Variants in TBC1D10B observed in about 807,000 individuals in gnomAD.
TBC1D10B encodes the protein TBC1 domain family member 10B.
In TBC1D10B, 25 loss-of-function variants were observed where a neutral mutation model predicts 78.4. That is an observed-to-expected ratio of 0.32 (90% CI 0.23 to 0.45). The LOEUF (loss-of-function observed/expected upper bound fraction) is 0.45. Among genes scored for constraint, TBC1D10B ranks in the 20% least tolerant of loss-of-function variants. The pLI is 1.00. For missense variants in TBC1D10B, 996 were observed against 1,104.8 expected (o/e 0.90, Z 1.40); for synonymous variants, 517 against 478.0 (o/e 1.08, Z -1.06).
chr16:30,368,559 C>A (rs1319257655), intron 1 of TBC1D10B, among the ~76,000 whole-genome samples: 3 of 152,128 alleles, frequency 2.0e-5, no homozygotes, highest in Admixed American at 2.0e-4. Context: ...CCCCCTACCT[C>A]GGGAGTGACT....
intron 1 of TBC1D10B, among the ~76,000 whole-genome samples, chr16:30,368,809 AG>A (rs2049657627): frequency 6.6e-6 from 1 of 152,168 alleles, no homozygotes; most frequent in South Asian, 2.1e-4. Flanking sequence ...ATCCACCCTA[AG>A]GGACCAAGGG....
Position 30,370,080 on chromosome 16 carries a change from A to G in TBC1D10B, c.104T>C (p.Val35Ala). 1 of 1,226,060 alleles carries G rather than the reference A, an allele frequency of 8.2e-7. No individual in the cohort carries two copies. Among genetic ancestry groups the G allele is most frequent in the Non-Finnish European group, 1.0e-6 (1 of 984,422 alleles). The allele number at this position is 1,226,060 out of a possible 1,614,324, so 75.9% of individuals were successfully genotyped here. The stretch of plus-strand genomic sequence containing the variant: ...AGTCACTGGAGGTCCCGGAGCCACC[A>G]CCACGACGGGCCCGGCCCGGGAACC... ...PRGSRAGPVVVVAPGPPVTTA... is the reference protein window; with the variant it reads ...PRGSRAGPVVAVAPGPPVTTA... The change falls in exon 1 of 9, where the codon GTG (valine) becomes GCG (alanine). Residue 35 changes from valine to alanine, a missense_variant. Val to Ala is a moderately conservative substitution (Grantham distance 64, BLOSUM62 0). Around this residue, in one of 5 missense-constraint regions of TBC1D10B, gnomAD observed 448 missense variants for 442.1 expected, o/e 1.01. Transcript: ENST00000409939.
chr16:30,366,267 G>A (rs2049634625), intron 1 of TBC1D10B: 1 of 152,338 alleles, frequency 6.6e-6, no homozygotes, highest in Admixed American at 6.5e-5. Context: ...CACTTTGGGA[G>A]GCCGAGGCAG....
rs2049661043 is a variant in TBC1D10B, at chr16:30,369,067, C to T, written c.956+161G>A. ...CACTAACATGCCAATGTCACAGGCACCTCAGGATGCTCAAGACACGGCAGC... is the reference window on the plus strand; with the variant it reads ...CACTAACATGCCAATGTCACAGGCATCTCAGGATGCTCAAGACACGGCAGC... On this transcript the variant is annotated intron_variant, in intron 1 of 8. Coordinates refer to ENST00000409939, the MANE Select transcript of TBC1D10B (RefSeq NM_015527.4). This position sits in a 1 kb window ranked among gnomAD's most constrained non-coding sequence, Gnocchi z 4.3. 1.3e-5 allele frequency among the ~76,000 whole-genome samples: 2 copies of T among 152,256 alleles called. No homozygotes were observed.
rs1057115242 is a variant in TBC1D10B, at chr16:30,370,107, C to A, written c.77G>T (p.Arg26Leu). The A allele has an allele frequency of 6.9e-5, 84 of 1,220,516 alleles. No homozygotes were observed. The highest frequency in any genetic ancestry group is 8.6e-5 in the Admixed American group (2 of 23,190). 75.6% of individuals were successfully genotyped at this position (1,220,516 alleles called of 1,614,324 possible). ...GAPAAPSPPP[R>L]GSRAGPVVVV... ...CACGACGGGCCCGGCCCGGGAACCC[C>A]GGGGCGGCGGCGAGGGGGCCGCGGG... The change falls in exon 1 of 9, where the codon CGG (arginine) becomes CTG (leucine). Residue 26 changes from arginine (R) to leucine (L), a missense_variant. Arg to Leu is a moderately radical substitution (Grantham distance 102, BLOSUM62 -2). Coordinates refer to ENST00000409939, the MANE Select transcript of TBC1D10B (RefSeq NM_015527.4).
In TBC1D10B at chr16:30,370,090, G is replaced by A; in HGVS notation, c.94C>T (p.Pro32Ser). The A allele has an allele frequency of 8.2e-7, 1 of 1,224,872 alleles. No individual in the cohort carries two copies. Among genetic ancestry groups the A allele is most frequent in the South Asian group, 4.1e-5 (1 of 24,270 alleles). The allele number at this position is 1,224,872 out of a possible 1,614,324, so 75.9% of individuals were successfully genotyped here. The change falls in exon 1 of 9, where the codon CCC becomes TCC. Residue 32 changes from proline to serine, a missense_variant. By Grantham distance (74) the Pro-to-Ser change is moderately conservative. Transcript: ENST00000409939. The part of the protein sequence containing the change: ...SPPPRGSRAG[P>S]VVVVAPGPPV... ...GGTCCCGGAGCCACCACCACGACGG[G>A]CCCGGCCCGGGAACCCCGGGGCGGC...
rs2049632451 is a variant in TBC1D10B at position 30,365,985 on chromosome 16, A to G, written c.957-391T>C. 4.3e-6 allele frequency: 1 copy of G among 233,996 alleles called. No individual in the cohort carries two copies. Among genetic ancestry groups the G allele is most frequent in the African/African-American group, 2.2e-5 (1 of 45,270 alleles). The allele number at this position is 233,996 out of a possible 1,614,324, so 14.5% of individuals were successfully genotyped here. A position where few individuals can be genotyped will look rare whatever the true frequency, so the allele number is the denominator to read the frequency against. The stretch of plus-strand genomic sequence containing the variant: ...TCATCTGTAAGGTGGAGAAAGTAAC[A>G]ATATCTACCCGAAGGGGTTTATACG... On this transcript the variant is annotated intron_variant, in intron 1 of 8. Transcript: ENST00000409939. The surrounding 1 kb of genome is among the most constrained non-coding windows in gnomAD (Gnocchi z 5.0).
chr16:30,366,570 C>G (rs1162265557), intron 1 of TBC1D10B: 1 of 151,976 alleles, frequency 6.6e-6, no homozygotes, highest in Non-Finnish European at 1.5e-5. Flanking sequence ...TAGACGCAAC[C>G]ATCTGAGTTT....
chr16:30,368,774 G>GAC (rs2049657225), intron 1 of TBC1D10B, among the ~76,000 whole-genome samples: 1 of 152,144 alleles, frequency 6.6e-6, no homozygotes, highest in Non-Finnish European at 1.5e-5. Flanking sequence ...TGGGGGAAGG[G>GAC]AGATGCCTGC....
chr16:30,369,904 G>C lies in TBC1D10B; in HGVS notation c.280C>G (p.Leu94Val). The change falls in exon 1 of 9, where the codon CTG becomes GTG. Residue 94 changes from leucine (L) to valine (V), a missense_variant. Leu to Val is a conservative substitution (Grantham distance 32). This residue lies in a region of TBC1D10B where 448 missense variants were observed against 442.1 expected (regional missense o/e 1.01). Coordinates refer to ENST00000409939, the MANE Select transcript of TBC1D10B (RefSeq NM_015527.4). The surrounding 1 kb of genome is among the most constrained non-coding windows in gnomAD (Gnocchi z 4.3). ...TTTGGGGCTTCGGGCGAGGCCTCCA[G>C]GGTCAGCACCACCACCGTGCTGCCC... ...VTGSTVVVLT[L>V]EASPEAPKPQ... The C allele has an allele frequency of 7.2e-7, 1 of 1,383,436 alleles. No homozygotes were observed. Among genetic ancestry groups the C allele is most frequent in the Non-Finnish European group, 9.3e-7 (1 of 1,072,330 alleles). 85.7% of individuals were successfully genotyped at this position (1,383,436 alleles called of 1,614,324 possible).
intron 4 of TBC1D10B, 129 bp from the exon 5 acceptor site, chr16:30,359,970 G>C (rs2049589112): frequency 1.2e-6 from 1 of 861,612 alleles, no homozygotes; most frequent in South Asian, 1.7e-5. Context: ...TGCTGAGCGA[G>C]CTTCAGCTAA....
intron 4 of TBC1D10B, among the ~76,000 whole-genome samples, chr16:30,363,932 A>G (rs2049615720): frequency 6.6e-6 from 1 of 152,156 alleles, no homozygotes; most frequent in African/African-American, 2.4e-5. Flanking sequence ...CCTGGCTAAC[A>G]TGGTGAAACC....
In TBC1D10B at chr16:30,367,432, C is replaced by T. The variant is rs1203700162; in HGVS notation, c.956+1796G>A. ...CTGGGAAGAGTAAGATACCTTCTGG[C>T]CCTCAAGAAGGTTACAGCCTAAGAG... On this transcript the variant is annotated intron_variant, in intron 1 of 8. Coordinates refer to ENST00000409939, the MANE Select transcript of TBC1D10B (RefSeq NM_015527.4). 2.0e-5 allele frequency: 3 copies of T among 152,174 alleles called. No individual in the cohort carries two copies. In the East Asian group the frequency reaches 5.8e-4, roughly 29 times the overall value. The allele number at this position is 152,174 out of a possible 1,614,324, so 9.4% of individuals were successfully genotyped here.
chr16:30,366,494 G>A (rs1265040004), intron 1 of TBC1D10B: 6 of 148,926 alleles, frequency 4.0e-5, no homozygotes, highest in South Asian at 2.1e-4. Flanking sequence ...GACAGAGCGA[G>A]ACTCCATCAA....
Position 30,369,245 on chromosome 16 carries a change from G to A in TBC1D10B, c.939C>T (p.Ser313=), listed in dbSNP as rs1377719848. The change falls in exon 1 of 9, where the codon AGC becomes AGT. Residue 313 remains serine, a synonymous_variant. Transcript: ENST00000409939. This position sits in a 1 kb window ranked among gnomAD's most constrained non-coding sequence, Gnocchi z 4.3. ...KTDKYGFLGG[S]QYSGSLESSI... is the part of the protein sequence containing the mutation. ...GTACTCACAGGCTGCCCGAGTACTG[G>A]CTGCCCCCAAGGAAGCCATACTTGT... 1 of 1,581,364 alleles carries A rather than the reference G, an allele frequency of 6.3e-7. No individual in the cohort carries two copies. The highest frequency in any genetic ancestry group is 1.2e-5 in the South Asian group (1 of 86,568).
rs776579103 is a variant in TBC1D10B, at chr16:30,369,387, G to A, written c.797C>T (p.Thr266Met). Residue 266 changes from threonine to methionine, a missense_variant, in exon 1 of 9, where the codon ACG becomes ATG. Physicochemically the swap from Thr to Met is moderately conservative, Grantham distance 81. This residue lies in a region of TBC1D10B where 448 missense variants were observed against 442.1 expected (regional missense o/e 1.01). Transcript: ENST00000409939. The surrounding 1 kb of genome is among the most constrained non-coding windows in gnomAD (Gnocchi z 4.3). ...ISGPRGQAPD[T>M]LSYLDSVSLM... The stretch of plus-strand genomic sequence containing the variant: ...GCTCACGGAGTCCAAGTAACTCAGC[G>A]TGTCCGGGGCCTGCCCTCGAGGCCC... 4.4e-6 allele frequency: 7 copies of A among 1,590,484 alleles called. No individual in the cohort carries two copies. The highest frequency in any genetic ancestry group is 1.8e-5 in the Admixed American group (1 of 56,358).
chr16:30,370,184 G>A lies in TBC1D10B; in HGVS notation c.-1C>T, dbSNP rs1158622029. 2.6e-6 allele frequency: 3 copies of A among 1,158,050 alleles called. No individual in the cohort carries two copies. Among genetic ancestry groups the A allele is most frequent in the Middle Eastern group, 3.5e-4 (1 of 2,858 alleles). The allele number at this position is 1,158,050 out of a possible 1,614,324, so 71.7% of individuals were successfully genotyped here. Reference sequence around the variant, plus strand: ...CCAGGGGCGCCGTGCCCGTCTCCATGGCCGCGGGCCGCCCCTCACATCCCC... The same window carrying A: ...CCAGGGGCGCCGTGCCCGTCTCCATAGCCGCGGGCCGCCCCTCACATCCCC... On this transcript the variant is annotated 5_prime_UTR_variant, in exon 1 of 9. Transcript: ENST00000409939.
rs927360160 is a variant in TBC1D10B at position 30,369,102 on chromosome 16, T to A, written c.956+126A>T. 9.9e-7 allele frequency: 1 copy of A among 1,011,608 alleles called. No individual in the cohort carries two copies. The highest frequency in any genetic ancestry group is 1.4e-6 in the Non-Finnish European group (1 of 705,198). 62.7% of individuals were successfully genotyped at this position (1,011,608 alleles called of 1,614,324 possible). A position where few individuals can be genotyped will look rare whatever the true frequency, so the allele number is the denominator to read the frequency against. ...CTCAAGACACGGCAGCTCGCGCTGA[T>A]CACCCCGTGGATCCTCAGAGGAGGC... On this transcript the variant is annotated intron_variant, in intron 1 of 8. Coordinates refer to ENST00000409939, the MANE Select transcript of TBC1D10B (RefSeq NM_015527.4). The surrounding 1 kb of genome is among the most constrained non-coding windows in gnomAD (Gnocchi z 4.3).
Position 30,365,717 on chromosome 16 carries a change from C to T in TBC1D10B, c.957-123G>A. The stretch of plus-strand genomic sequence containing the variant: ...AGAAACTGGATAGTCTGTGAGCTGC[C>T]AAACATCAGGATGTCTGGCCACTTG... On this transcript the variant is annotated intron_variant, in intron 1 of 8. Transcript: ENST00000409939. The surrounding 1 kb of genome is among the most constrained non-coding windows in gnomAD (Gnocchi z 5.0). 1 of 909,892 alleles carries T rather than the reference C, an allele frequency of 1.1e-6. No homozygotes were observed. Among genetic ancestry groups the T allele is most frequent in the Non-Finnish European group, 1.7e-6 (1 of 578,678 alleles). The allele number at this position is 909,892 out of a possible 1,614,324, so 56.4% of individuals were successfully genotyped here. A position where few individuals can be genotyped will look rare whatever the true frequency, so the allele number is the denominator to read the frequency against.
Sources: gnomAD v4.1 joint callset for allele counts (sites outside exome capture counted in the v4.1 genomes callset) on GRCh38, gnomAD v4.1.1 for gene constraint, gnomAD v4.1.1 regional missense constraint, Gnocchi (gnomAD v3.1) non-coding constraint, MANE v1.5 for transcripts, NCBI Gene and HGNC (gene_info 2026-07-23, HGNC 2026-07-21) for gene names.